Variants in ADCY8 observed in about 807,000 individuals in gnomAD.
The protein encoded by ADCY8 is adenylate cyclase 8, also known as adenylate cyclase type 8.
ADCY8 carries 51 observed loss-of-function variants against 119.7 expected under a neutral mutation model. That is an observed-to-expected ratio of 0.43 (90% confidence interval 0.34 to 0.54). ADCY8 has a LOEUF of 0.54. ADCY8 is among the 20% of genes least tolerant of loss of function. The pLI, the probability that ADCY8 is intolerant of heterozygous loss-of-function variation, is 0.03. For synonymous variants in ADCY8, 665 were observed against 651.0 expected (o/e 1.02, Z -0.33); for missense variants, 1,383 against 1,598.8 (o/e 0.87, Z 2.30).
At chr8:131,022,983 T>C (rs970704475) in intron 1 of ADCY8, among the ~76,000 whole-genome samples, 1 of 152,154 alleles carries the variant, frequency 6.6e-6, no homozygotes, top group Non-Finnish European at 1.5e-5. Context: ...TGGGAACCCA[T>C]GCATGTTTGG....
At chr8:130,956,689 C>T (rs1034001101) in intron 2 of ADCY8, among the ~76,000 whole-genome samples, 5 of 152,172 alleles carry the variant, frequency 3.3e-5, no homozygotes, top group Non-Finnish European at 7.3e-5. Flanking sequence ...ATAATTCTCA[C>T]GTGTTGTGGG....
chr8:130,795,918 G>A (rs1815566039), intron 15 of ADCY8, among the ~76,000 whole-genome samples: 1 of 152,144 alleles, frequency 6.6e-6, no homozygotes, highest in Non-Finnish European at 1.5e-5. Context: ...CATGCCCAGG[G>A]TACACAGGTC....
chr8:130,926,294 A>G (rs1820464760), intron 5 of ADCY8, among the ~76,000 whole-genome samples: 1 of 150,412 alleles, frequency 6.6e-6, no homozygotes, highest in Non-Finnish European at 1.5e-5. Flanking sequence ...TCATTGTTCA[A>G]GCCTTTGTTT....
At chr8:130,927,724 A>G (rs1024475035) in intron 5 of ADCY8, among the ~76,000 whole-genome samples, 46 of 151,676 alleles carry the variant, frequency 3.0e-4, no homozygotes, top group Non-Finnish European at 2.1e-4. Flanking sequence ...GGTTTTCTCT[A>G]TATAAAATCA....
chr8:130,792,859 C>A (rs1489196792), intron 15 of ADCY8, among the ~76,000 whole-genome samples: 1 of 152,162 alleles, frequency 6.6e-6, no homozygotes, highest in Non-Finnish European at 1.5e-5. Flanking sequence ...AGAGTAAAAG[C>A]CAAAGCCTTT....
intron 15 of ADCY8, among the ~76,000 whole-genome samples, chr8:130,793,289 A>G (rs1815479818): frequency 6.6e-6 from 1 of 152,060 alleles, no homozygotes; most frequent in Admixed American, 6.6e-5. Flanking sequence ...ATGGGTGTCC[A>G]ACCATCTCGG....
intron 13 of ADCY8, among the ~76,000 whole-genome samples, chr8:130,817,778 C>A (rs1226360251): frequency 6.6e-6 from 1 of 152,154 alleles, no homozygotes; most frequent in East Asian, 1.9e-4. Context: ...GGAAAAAATT[C>A]AGCATTTATC....
chr8:130,891,741 T>C (rs1819195294), intron 7 of ADCY8, among the ~76,000 whole-genome samples: 1 of 152,100 alleles, frequency 6.6e-6, no homozygotes, highest in South Asian at 2.1e-4. Flanking sequence ...TGAGTAAACA[T>C]TGACTTGGGG....
chr8:130,994,312 A>G (rs1822696377), intron 1 of ADCY8, among the ~76,000 whole-genome samples: 1 of 152,190 alleles, frequency 6.6e-6, no homozygotes, highest in Non-Finnish European at 1.5e-5. Flanking sequence ...TAAACTGCCA[A>G]TTTCTCTGGG....
intron 13 of ADCY8, among the ~76,000 whole-genome samples, chr8:130,814,445 G>GC (rs1471403070): frequency 6.6e-6 from 1 of 152,178 alleles, no homozygotes; most frequent in Non-Finnish European, 1.5e-5. Flanking sequence ...CAGCATTATT[G>GC]CCCCCTGTGA....
intron 2 of ADCY8, among the ~76,000 whole-genome samples, chr8:130,986,153 T>C (rs1389447005): frequency 6.6e-6 from 1 of 152,138 alleles, no homozygotes; most frequent in Non-Finnish European, 1.5e-5. Flanking sequence ...AGATGGAAAA[T>C]TCCCCTAACA....
At chr8:131,025,106 T>C (rs571946746) in intron 1 of ADCY8, among the ~76,000 whole-genome samples, 1 of 152,320 alleles carries the variant, frequency 6.6e-6, no homozygotes, top group East Asian at 1.9e-4. Flanking sequence ...CACTGTTTTG[T>C]ATGTAAAATC....
intron 5 of ADCY8, among the ~76,000 whole-genome samples, chr8:130,921,572 G>T (rs1820309473): frequency 6.6e-6 from 1 of 150,634 alleles, no homozygotes; most frequent in Non-Finnish European, 1.5e-5. Flanking sequence ...TCCTGCCTCA[G>T]CCTCCCTAGT....
At chr8:130,834,740 A>G (rs1168056396) in intron 12 of ADCY8, among the ~76,000 whole-genome samples, 2 of 152,226 alleles carry the variant, frequency 1.3e-5, no homozygotes, top group Non-Finnish European at 2.9e-5. Flanking sequence ...ATAATATTAC[A>G]TCACAACAAA....
intron 5 of ADCY8, among the ~76,000 whole-genome samples, chr8:130,911,740 T>C (rs1436768425): frequency 3.3e-5 from 5 of 150,270 alleles, no homozygotes; most frequent in Admixed American, 1.3e-4. Flanking sequence ...ATGGTATATA[T>C]TTTTAAACAT....
intron 2 of ADCY8, among the ~76,000 whole-genome samples, chr8:130,963,192 G>T (rs1191366860): frequency 4.6e-5 from 7 of 151,416 alleles, no homozygotes; most frequent in Admixed American, 4.6e-4. Context: ...GGAGTAAGTG[G>T]CTTAGTCCTT....
intron 2 of ADCY8, among the ~76,000 whole-genome samples, chr8:130,987,938 A>T (rs76182392): frequency 0.012 from 1,870 of 152,338 alleles, 44 homozygotes; most frequent in African/African-American, 0.043. Context: ...TGACTGATTC[A>T]TATAAATCAT....
At chr8:130,811,185 A>G (rs923500250) in intron 14 of ADCY8, among the ~76,000 whole-genome samples, 26 of 152,110 alleles carry the variant, frequency 1.7e-4, no homozygotes, top group African/African-American at 6.0e-4. Context: ...ACTCTCAAAG[A>G]CCTGAGTACA....
chr8:130,906,905 C>T (rs1053088320), intron 6 of ADCY8, among the ~76,000 whole-genome samples: 7 of 151,600 alleles, frequency 4.6e-5, no homozygotes, highest in Admixed American at 2.0e-4. Flanking sequence ...TTCTTTGTCT[C>T]CTTTTGCAGA....
Sources: gnomAD v4.1 joint callset for allele counts (sites outside exome capture counted in the v4.1 genomes callset) on GRCh38, gnomAD v4.1.1 for gene constraint, MANE v1.5 for transcripts, NCBI Gene and HGNC (gene_info 2026-07-23, HGNC 2026-07-21) for gene names.